Variants in PHTF2 observed in about 807,000 individuals in gnomAD.
PHTF2 encodes putative homeodomain transcription factor 2, also known as protein PHTF2.
PHTF2 carries 60 observed loss-of-function variants against 101.2 expected under a neutral mutation model. The observed-to-expected ratio is 0.59, with a 90% CI of 0.48 to 0.73. The LOEUF is 0.73. Among genes scored for constraint, PHTF2 ranks in the 30% least tolerant of loss-of-function variants. PHTF2 has a pLI of 0.00. For missense variants in PHTF2, 747 were observed against 908.7 expected, an observed-to-expected ratio of 0.82 and a Z score of 2.29; for synonymous variants, 311 against 307.3, an observed-to-expected ratio of 1.01 and a Z score of -0.13.
At chr7:77,894,123 T>C in intron 5 of PHTF2, 130 bp downstream of exon 4, 1 of 784,076 alleles carries the variant, frequency 1.3e-6, no homozygotes, top group Non-Finnish European at 2.3e-6. Flanking sequence ...AAGTTGGTCA[T>C]TTTAAAAAAG....
At chr7:77,850,624 A>C (rs1261188374) in intron 2 of PHTF2, among the ~76,000 whole-genome samples, 2 of 148,072 alleles carry the variant, frequency 1.4e-5, no homozygotes, top group Non-Finnish European at 3.0e-5. Flanking sequence ...CCTAGTTCAC[A>C]GAGTGAGACC....
chr7:77,856,101 G>C (rs1797159366), intron 3 of PHTF2, among the ~76,000 whole-genome samples: 1 of 151,932 alleles, frequency 6.6e-6, no homozygotes, highest in Non-Finnish European at 1.5e-5. Flanking sequence ...TTTTTTACCA[G>C]GTGTGATGTT....
At position 77,901,757 on chromosome 7, in the gene PHTF2, T is replaced by C. The variant is rs1054366175; in HGVS notation, c.287-5T>C. 7.4e-6 allele frequency: 11 copies of C among 1,477,666 alleles called. No homozygotes were observed. The African/African-American group carries it at 1.4e-4, about 19-fold the overall frequency. 91.5% of individuals were successfully genotyped at this position (1,477,666 alleles called of 1,614,324 possible). On this transcript the variant is annotated splice_region_variant and splice_polypyrimidine_tract_variant and intron_variant, in intron 6 of 19. Transcript: ENST00000416283. ...TACTCTGTTGTCCTATTTTACTTTT[T>C]TCAGGGTCTGCATTTGCAAAGGCAA... is the stretch of plus-strand genomic sequence containing the variant.
chr7:77,912,878 A>G (rs1802541860), intron 9 of PHTF2, among the ~76,000 whole-genome samples: 1 of 151,500 alleles, frequency 6.6e-6, no homozygotes, highest in Admixed American at 6.6e-5. Flanking sequence ...GACTATAGGC[A>G]TTTGCCACCA....
chr7:77,871,565 A>G (rs1395680782), intron 3 of PHTF2, among the ~76,000 whole-genome samples: 1 of 152,242 alleles, frequency 6.6e-6, no homozygotes, highest in South Asian at 2.1e-4. Flanking sequence ...AAGTGGTGCT[A>G]CTTCCAATTC....
chr7:77,939,235 C>T (rs1010701778), intron 13 of PHTF2, among the ~76,000 whole-genome samples: 1 of 152,002 alleles, frequency 6.6e-6, no homozygotes, highest in Admixed American at 6.6e-5. Context: ...TTAATTTCTT[C>T]TTCCTTCTAT....
At chr7:77,833,400 A>G (rs889450294) in intron 1 of PHTF2, among the ~76,000 whole-genome samples, 6 of 152,216 alleles carry the variant, frequency 3.9e-5, no homozygotes, top group Non-Finnish European at 2.9e-5. Context: ...GAATGATACA[A>G]GGTTGTTGGA....
At chr7:77,863,113 T>C (rs1009865085) in intron 3 of PHTF2, among the ~76,000 whole-genome samples, 2 of 152,222 alleles carry the variant, frequency 1.3e-5, no homozygotes, top group Non-Finnish European at 2.9e-5. Flanking sequence ...AATATCCTTA[T>C]TGGCATATAT....
intron 1 of PHTF2, among the ~76,000 whole-genome samples, chr7:77,813,520 A>C (rs572417347): frequency 6.6e-6 from 1 of 152,238 alleles, no homozygotes; most frequent in Non-Finnish European, 1.5e-5. Flanking sequence ...AGTAGATAGC[A>C]GTGTTTTGCA....
intron 18 of PHTF2, among the ~76,000 whole-genome samples, chr7:77,951,961 A>C (rs1174518138): frequency 1.3e-5 from 2 of 152,102 alleles, no homozygotes; most frequent in Non-Finnish European, 2.9e-5. Context: ...AGAGGTTGGC[A>C]TCTTTGGAAA....
intron 1 of PHTF2, among the ~76,000 whole-genome samples, chr7:77,834,336 T>C (rs554912239): frequency 1.5e-5 from 2 of 137,600 alleles, no homozygotes; most frequent in Non-Finnish European, 3.1e-5. Context: ...AAAAAAAAAA[T>C]TTTAAACGGA....
intron 12 of PHTF2, among the ~76,000 whole-genome samples, chr7:77,936,961 A>T (rs1478885435): frequency 6.6e-6 from 1 of 152,012 alleles, no homozygotes; most frequent in Non-Finnish European, 1.5e-5. Flanking sequence ...CCTGGCCAAC[A>T]TGGTGAAACC....
At chr7:77,928,308 C>T (rs927410592) in intron 11 of PHTF2, among the ~76,000 whole-genome samples, 3 of 152,010 alleles carry the variant, frequency 2.0e-5, no homozygotes, top group Non-Finnish European at 2.9e-5. Flanking sequence ...ACATTGCAAA[C>T]TCCCAGGATA....
chr7:77,894,189 TGA>T (rs1800691050), intron 5 of PHTF2, among the ~76,000 whole-genome samples, 196 bp downstream of exon 4: 1 of 152,220 alleles, frequency 6.6e-6, no homozygotes. Context: ...ATTTTCTTCC[TGA>T]ACATGTAATC....
intron 2 of PHTF2, among the ~76,000 whole-genome samples, chr7:77,843,827 C>G (rs1363834316): frequency 6.6e-6 from 1 of 151,972 alleles, no homozygotes; most frequent in African/African-American, 2.4e-5. Context: ...GTCTTAAAAC[C>G]CAGGTTAAGA....
At chr7:77,892,151 G>A (rs377477509) in intron 3 of PHTF2, among the ~76,000 whole-genome samples, 2 of 152,160 alleles carry the variant, frequency 1.3e-5, no homozygotes, top group Non-Finnish European at 2.9e-5. Context: ...TTAACCAGGC[G>A]TGGTGGCACG....
chr7:77,921,140 C>T (rs991668506), intron 10 of PHTF2, among the ~76,000 whole-genome samples: 4 of 152,202 alleles, frequency 2.6e-5, no homozygotes, highest in African/African-American at 9.6e-5. Flanking sequence ...TTCATGTTCT[C>T]TATAAGAAGA....
At chr7:77,823,103 A>G (rs1584400206) in intron 1 of PHTF2, among the ~76,000 whole-genome samples, 1 of 151,272 alleles carries the variant, frequency 6.6e-6, no homozygotes, top group South Asian at 2.1e-4. Context: ...ACGGGGTTTC[A>G]CCGTGTTAGC....
intron 1 of PHTF2, among the ~76,000 whole-genome samples, chr7:77,830,705 A>G (rs978111918): frequency 3.3e-5 from 5 of 152,222 alleles, no homozygotes; most frequent in Non-Finnish European, 7.4e-5. Context: ...CAGAGATCAT[A>G]ATAAATAAAT....
Sources: allele counts gnomAD v4.1 joint callset (sites outside exome capture counted in the v4.1 genomes callset), GRCh38; gene constraint gnomAD v4.1.1; transcripts MANE v1.5; gene names NCBI Gene and HGNC (gene_info 2026-07-23, HGNC 2026-07-21).